Variants in CASK observed in about 807,000 individuals in gnomAD.
The protein encoded by CASK is peripheral plasma membrane protein CASK.
CASK carries 4 observed loss-of-function variants against 82.9 expected under a neutral mutation model. The observed-to-expected ratio is 0.05, with a 90% confidence interval of 0.02 to 0.11. CASK has a LOEUF of 0.11. Among genes scored for constraint, CASK ranks in the 10% least tolerant of loss-of-function variants. The pLI, the probability that CASK is intolerant of heterozygous loss-of-function variation, is 1.00. For missense variants in CASK, 358 were observed against 720.9 expected (o/e 0.50, Z 5.76); for synonymous variants, 259 against 253.5 (o/e 1.02, Z -0.20).
chrX:41,596,902 A>G (rs1367911766), intron 12 of CASK, among the ~76,000 whole-genome samples: 1 of 112,302 alleles, frequency 8.9e-6, no homozygotes, highest in African/African-American at 3.2e-5. Context: ...CACATTCTAC[A>G]TTTGACATGG....
At chrX:41,845,099 C>A (rs1390187691) in intron 2 of CASK, among the ~76,000 whole-genome samples, 1 of 111,706 alleles carries the variant, frequency 9.0e-6, no homozygotes, top group African/African-American at 3.2e-5. Context: ...TGGGCTAATG[C>A]ACAGTCTATC....
At chrX:41,883,133 A>G (rs1279183914) in intron 1 of CASK, among the ~76,000 whole-genome samples, 1 of 112,034 alleles carries the variant, frequency 8.9e-6, no homozygotes, top group Non-Finnish European at 1.9e-5. Flanking sequence ...ATGAGGCTAC[A>G]GTTTATGGAA....
At chrX:41,779,535 A>C (rs1216999132) in intron 3 of CASK, among the ~76,000 whole-genome samples, 1 of 111,859 alleles carries the variant, frequency 8.9e-6, no homozygotes, top group Non-Finnish European at 1.9e-5. Flanking sequence ...AGTTTGCAAA[A>C]CTAAAATCAA....
intron 2 of CASK, among the ~76,000 whole-genome samples, chrX:41,809,772 C>T (rs1336285467): frequency 8.9e-6 from 1 of 111,964 alleles, no homozygotes; most frequent in Admixed American, 9.4e-5. Context: ...AAGAAGGCTT[C>T]GGATGATTAA....
chrX:41,641,590 G>A (rs1445458823), intron 8 of CASK, among the ~76,000 whole-genome samples: 2 of 111,673 alleles, frequency 1.8e-5, no homozygotes, highest in Non-Finnish European at 3.8e-5. Flanking sequence ...TCATTTAACA[G>A]TCATAAGACA....
At chrX:41,726,326 T>C (rs1171025833) in intron 5 of CASK, among the ~76,000 whole-genome samples, 1 of 112,052 alleles carries the variant, frequency 8.9e-6, no homozygotes, top group Non-Finnish European at 1.9e-5. Flanking sequence ...TGAAAGGACA[T>C]TTTAAATATT....
chrX:41,774,458 C>T (rs1165336918), intron 3 of CASK, among the ~76,000 whole-genome samples: 2 of 111,392 alleles, frequency 1.8e-5, no homozygotes, highest in East Asian at 2.8e-4. Context: ...GGCCATACTG[C>T]CCAAGGTAAT....
Position 41,923,059 on chromosome X carries a change from T to A in CASK, c.-71A>T. On this transcript the variant is annotated 5_prime_UTR_variant, in exon 1 of 27. Coordinates refer to ENST00000378163, the MANE Select transcript of CASK (RefSeq NM_001367721.1). ...GGGGTGGGGGCGCCCAAGAGCTCAGTGCCCAGCCCCGGGATCGCCTCCTCC... is the reference window on the plus strand; with the variant it reads ...GGGGTGGGGGCGCCCAAGAGCTCAGAGCCCAGCCCCGGGATCGCCTCCTCC... The A allele has an allele frequency of 1.0e-6, 1 of 979,503 alleles. No individual in the cohort carries two copies. The allele number at this position is 979,503 out of a possible 1,213,427, so 80.7% of individuals were successfully genotyped here.
intron 2 of CASK, among the ~76,000 whole-genome samples, chrX:41,830,713 A>T (rs370630485): frequency 4.7e-5 from 5 of 105,616 alleles, no homozygotes; most frequent in African/African-American, 7.0e-5. Context: ...CCAGCTACTC[A>T]GGAGGCTGAG....
chrX:41,868,747 T>C (rs995593134), intron 1 of CASK, among the ~76,000 whole-genome samples: 5 of 111,565 alleles, frequency 4.5e-5, no homozygotes, highest in African/African-American at 1.3e-4. Context: ...ATAGCTACTT[T>C]AGAGGGTTCT....
At chrX:41,588,635 A>C (rs1202959673) in intron 13 of CASK, 1 of 110,868 alleles carries the variant, frequency 9.0e-6, no homozygotes, top group Non-Finnish European at 1.9e-5. Flanking sequence ...CTGGTAGGGA[A>C]GGGATTATGT....
chrX:41,635,443 G>C (rs2066534959), intron 9 of CASK, among the ~76,000 whole-genome samples: 1 of 111,777 alleles, frequency 8.9e-6, no homozygotes, highest in South Asian at 3.6e-4. Context: ...ATGTGACTAA[G>C]GAAGACTACT....
chrX:41,798,675 T>C (rs896056688), intron 2 of CASK, among the ~76,000 whole-genome samples: 3 of 111,681 alleles, frequency 2.7e-5, no homozygotes, highest in Admixed American at 1.9e-4. Flanking sequence ...TCTCCACTAA[T>C]AATATAAAAA....
intron 5 of CASK, among the ~76,000 whole-genome samples, chrX:41,693,188 C>T (rs887403605): frequency 1.8e-5 from 2 of 111,369 alleles, no homozygotes; most frequent in Non-Finnish European, 1.9e-5. Context: ...TATGAGAGCT[C>T]CCTACATAAC....
chrX:41,885,362 G>A (rs1404541295), intron 1 of CASK, among the ~76,000 whole-genome samples: 1 of 103,052 alleles, frequency 9.7e-6, no homozygotes, highest in African/African-American at 3.3e-5. Context: ...TTACAATGTC[G>A]AAAATTTGTC....
intron 16 of CASK, among the ~76,000 whole-genome samples, chrX:41,569,305 T>C (rs770519889): frequency 3.6e-5 from 4 of 111,773 alleles, no homozygotes; most frequent in East Asian, 2.8e-4. Context: ...TCCCCGTAAG[T>C]AGTAATCTAA....
intron 22 of CASK, among the ~76,000 whole-genome samples, chrX:41,542,150 T>C (rs1371197482): frequency 8.9e-6 from 1 of 112,510 alleles, no homozygotes; most frequent in African/African-American, 3.2e-5. Flanking sequence ...AGCTTGGAAA[T>C]ACCATGAGGG....
chrX:41,696,740 T>G (rs755191592), intron 5 of CASK: 1 of 1,198,022 alleles, frequency 8.3e-7, no homozygotes, highest in Non-Finnish European at 1.1e-6. Context: ...ATGATACATC[T>G]GTGGCAGTGA....
chrX:41,612,272 C>T (rs1308664991), intron 11 of CASK, among the ~76,000 whole-genome samples: 5 of 108,876 alleles, frequency 4.6e-5, no homozygotes, highest in South Asian at 4.1e-4. Context: ...TCTGCCTGGC[C>T]GCCCATCGTC....
Sources: gnomAD v4.1 joint callset for allele counts (sites outside exome capture counted in the v4.1 genomes callset) on GRCh38, gnomAD v4.1.1 for gene constraint, MANE v1.5 for transcripts, NCBI Gene and HGNC (gene_info 2026-07-23, HGNC 2026-07-21) for gene names.